Variants in ZNF487 observed in about 807,000 individuals in gnomAD.
The protein encoded by ZNF487 is KRAB domain only 1.
In ZNF487, 4 loss-of-function variants were observed where a neutral mutation model predicts 3.0. The observed-to-expected ratio is 1.35, with a 90% CI of 0.66 to 3.08. The LOEUF (loss-of-function observed/expected upper bound fraction) is 3.08, where lower values mean the gene tolerates loss of function less well. Ranked by LOEUF, ZNF487 falls within the 30% of genes most tolerant of loss-of-function variation. The probability of loss-of-function intolerance (pLI) is 0.01; values close to 1 mark genes in which losing one functional copy is unlikely to be tolerated. For synonymous variants in ZNF487, 55 were observed against 34.6 expected, an observed-to-expected ratio of 1.59 and a Z score of -2.06; for missense variants, 146 against 98.7, an observed-to-expected ratio of 1.48 and a Z score of -2.03.
the ZNF487 span, among the ~76,000 whole-genome samples, chr10:43,498,914 C>A: frequency 1.3e-5 from 2 of 150,802 alleles, no homozygotes; most frequent in African/African-American, 2.5e-5. Context: ...TGCACTCTAG[C>A]CTGGGCAACA....
chr10:43,479,142 T>C (rs1841218566), intron 3 of ZNF487, among the ~76,000 whole-genome samples: 1 of 149,138 alleles, frequency 6.7e-6, no homozygotes, highest in Admixed American at 6.7e-5. Flanking sequence ...TATATATAAA[T>C]TTGTACTGAT....
intron 1 of ZNF487, among the ~76,000 whole-genome samples, chr10:43,460,203 T>C (rs914594925): frequency 9.9e-5 from 15 of 152,170 alleles, no homozygotes; most frequent in East Asian, 7.7e-4. Context: ...GATTGATTGA[T>C]ATTAACCTAT....
chr10:43,439,460 G>A (rs896690182), intron 1 of ZNF487, among the ~76,000 whole-genome samples: 1 of 151,576 alleles, frequency 6.6e-6, no homozygotes, highest in African/African-American at 2.4e-5. Context: ...CCCAGCACTT[G>A]GGGAGGCCGA....
intron 1 of ZNF487, among the ~76,000 whole-genome samples, chr10:43,437,630 A>AT (rs1423960109): frequency 6.6e-6 from 1 of 151,988 alleles, no homozygotes; most frequent in East Asian, 1.9e-4. Context: ...TTTTTAGTTT[A>AT]TTTTTTAAGG....
At chr10:43,507,667 G>A in the ZNF487 span, among the ~76,000 whole-genome samples, 10 of 152,200 alleles carry the variant, frequency 6.6e-5, no homozygotes, top group African/African-American at 2.4e-4. Context: ...AGAAGCCAGA[G>A]GGCTAAGCTT....
intron 1 of ZNF487, among the ~76,000 whole-genome samples, chr10:43,446,212 G>C (rs2132044217): frequency 6.6e-6 from 1 of 152,232 alleles, no homozygotes; most frequent in East Asian, 1.9e-4. Context: ...CAGACGGGGT[G>C]GTGGCCGGGC....
chr10:43,459,893 C>G (rs1840362528), intron 1 of ZNF487, among the ~76,000 whole-genome samples: 1 of 151,492 alleles, frequency 6.6e-6, no homozygotes, highest in African/African-American at 2.4e-5. Context: ...GCTCTGTCTC[C>G]TGGGTTCACG....
chr10:43,512,432 C>G, the ZNF487 span, among the ~76,000 whole-genome samples: 1 of 152,166 alleles, frequency 6.6e-6, no homozygotes. Context: ...TCAGAAAGCA[C>G]CCAGTTCATA....
the ZNF487 span, chr10:43,496,203 C>T: frequency 8.9e-5 from 38 of 428,862 alleles, no homozygotes; most frequent in Non-Finnish European, 1.7e-4. Context: ...AGTTGATATA[C>T]GTGATCCTTT....
chr10:43,450,680 G>C (rs1323253387), intron 1 of ZNF487, among the ~76,000 whole-genome samples: 1 of 151,992 alleles, frequency 6.6e-6, no homozygotes, highest in Non-Finnish European at 1.5e-5. Context: ...GAATAATTTG[G>C]GTGTGTGAAT....
At position 43,465,483 on chromosome 10, in the gene ZNF487, G is replaced by T. The variant is rs1388872431; in HGVS notation, c.-93-10238G>T. ...CTCGCTTCTCAGACGGGGCGGCCGG[G>T]CAGAGACGCTCCTCACCTCCCAGAC... On this transcript the variant is annotated intron_variant, in intron 1 of 3. Transcript: ENST00000437590. 8.6e-5 allele frequency among the ~76,000 whole-genome samples: 13 copies of T among 151,810 alleles called. 3 individuals carry two copies. In the South Asian group the frequency reaches 2.7e-3, roughly 32 times the overall value.
intron 1 of ZNF487, among the ~76,000 whole-genome samples, chr10:43,474,058 G>A (rs1841000364): frequency 6.6e-6 from 1 of 152,038 alleles, no homozygotes. Flanking sequence ...CTACTCAGGA[G>A]GCTGAGGTAA....
At chr10:43,462,586 G>A (rs974501682) in intron 1 of ZNF487, among the ~76,000 whole-genome samples, 2 of 150,902 alleles carry the variant, frequency 1.3e-5, no homozygotes, top group African/African-American at 4.9e-5. Flanking sequence ...CTCCTGAGTA[G>A]CTGGGACTAC....
At chr10:43,465,058 C>A (rs1159082856) in intron 1 of ZNF487, among the ~76,000 whole-genome samples, 2 of 144,942 alleles carry the variant, frequency 1.4e-5, no homozygotes, top group Non-Finnish European at 3.0e-5. Flanking sequence ...TGACCCCCCC[C>A]ACCTCCCTCC....
At chr10:43,462,872 G>C (rs1402580476) in intron 1 of ZNF487, among the ~76,000 whole-genome samples, 1 of 151,392 alleles carries the variant, frequency 6.6e-6, no homozygotes, top group Non-Finnish European at 1.5e-5. Flanking sequence ...TCGACTCAGG[G>C]GATCCTCCTG....
In ZNF487 at chr10:43,481,830, C is replaced by T. The variant is rs971688985; in HGVS notation, c.532C>T (p.Gln178Ter). The part of the protein sequence containing the change: ...FRHQYIQTLK[Q>*]CFEYNQCGKA... ...GCATCAGTATATTCAAACTCTTAAG[C>T]AGTGTTTTGAATACAATCAGTGTGG... Residue 178 changes from glutamine to a stop codon, truncating the protein, a stop_gained, in exon 4 of 4, where the codon CAG (glutamine) becomes TAG (stop). Coordinates refer to ENST00000437590, the MANE Select transcript of ZNF487 (RefSeq NM_001355444.3). LOFTEE classifies it low-confidence loss of function (END_TRUNC). The T allele has an allele frequency of 1.1e-5, 8 of 703,942 alleles. No homozygotes were observed. The Middle Eastern group carries it at 6.9e-4, about 60-fold the overall frequency. The allele number at this position is 703,942 out of a possible 1,614,324, so 43.6% of individuals were successfully genotyped here. A position where few individuals can be genotyped will look rare whatever the true frequency, so the allele number is the denominator to read the frequency against.
chr10:43,476,160 C>T lies in ZNF487; in HGVS notation c.88C>T (p.Leu30=), dbSNP rs952175121. Residue 30 remains leucine (L), a synonymous_variant, in exon 3 of 4, where the codon CTG becomes TTG. Coordinates refer to ENST00000437590, the MANE Select transcript of ZNF487 (RefSeq NM_001355444.3). ...TTGCAAGTTGGAGCATGGACAGGTG[C>T]TGTGGATATTAGAGGAAGAGTCCCC... The part of the protein sequence containing the change: ...VVCKLEHGQV[L]WILEEESPSQ... 1 of 717,334 alleles carries T rather than the reference C, an allele frequency of 1.4e-6. No individual in the cohort carries two copies. Among genetic ancestry groups the T allele is most frequent in the African/African-American group, 1.7e-5 (1 of 57,234 alleles). The allele number at this position is 717,334 out of a possible 1,614,324, so 44.4% of individuals were successfully genotyped here.
At chr10:43,512,260 A>G in the ZNF487 span, among the ~76,000 whole-genome samples, 1 of 152,072 alleles carries the variant, frequency 6.6e-6, no homozygotes, top group Non-Finnish European at 1.5e-5. Context: ...AGGCTGGGGG[A>G]GAGAAGGCAT....
At chr10:43,500,927 C>T in the ZNF487 span, among the ~76,000 whole-genome samples, 3 of 152,176 alleles carry the variant, frequency 2.0e-5, no homozygotes, top group Admixed American at 6.5e-5. Context: ...TCTAAATTTA[C>T]CTGTAGATTC....
Sources: gnomAD v4.1 joint callset for allele counts (sites outside exome capture counted in the v4.1 genomes callset) on GRCh38, gnomAD v4.1.1 for gene constraint, MANE v1.5 for transcripts, NCBI Gene and HGNC (gene_info 2026-07-23, HGNC 2026-07-21) for gene names.